The following SAMD5 variants were observed in gnomAD, a reference collection of about 807,000 sequenced individuals.
SAMD5 encodes the protein sterile alpha motif domain containing 5, also known as sterile alpha motif domain-containing protein 5.
Under a neutral mutation model 11.3 loss-of-function variants are expected in SAMD5, and 13 were observed. That is an observed-to-expected ratio of 1.15 (90% confidence interval 0.75 to 1.83). The LOEUF is 1.83. Among genes scored for constraint, SAMD5 ranks in the 40% most tolerant of loss-of-function variants. The probability of loss-of-function intolerance (pLI) is 0.00; values close to 1 mark genes in which losing one functional copy is unlikely to be tolerated. For missense variants in SAMD5, 255 were observed against 239.1 expected (o/e 1.07, Z -0.44); for synonymous variants, 129 against 111.3 (o/e 1.16, Z -1.00).
the SAMD5 span, chr6:147,953,278 A>G: frequency 6.6e-6 from 1 of 151,796 alleles, no homozygotes; most frequent in Non-Finnish European, 1.5e-5. Context: ...TTCAGCTACA[A>G]TTTCTCTCAT....
the SAMD5 span, among the ~76,000 whole-genome samples, chr6:147,916,382 G>C: frequency 6.6e-6 from 1 of 152,088 alleles, no homozygotes; most frequent in Non-Finnish European, 1.5e-5. Flanking sequence ...GTGTAAAAGT[G>C]TTCCTATTTT....
the SAMD5 span, among the ~76,000 whole-genome samples, chr6:147,795,312 G>A: frequency 3.5e-5 from 5 of 144,336 alleles, no homozygotes; most frequent in Non-Finnish European, 6.0e-5. Flanking sequence ...GAGAATATGC[G>A]GTGTTTGGTT....
the SAMD5 span, among the ~76,000 whole-genome samples, chr6:147,794,262 T>C: frequency 1.4e-4 from 21 of 152,196 alleles, no homozygotes; most frequent in Non-Finnish European, 2.8e-4. Flanking sequence ...GAGAGTTAAA[T>C]TGGTGAGCCA....
chr6:147,666,554 GGACT>G (rs1284200832), intron 1 of SAMD5, among the ~76,000 whole-genome samples: 1 of 151,974 alleles, frequency 6.6e-6, no homozygotes, highest in Non-Finnish European at 1.5e-5. Flanking sequence ...AAGCAGATGA[GGACT>G]GAAATAGTCT....
At chr6:147,544,066 T>G (rs1788648960) in intron 1 of SAMD5, among the ~76,000 whole-genome samples, 1 of 152,198 alleles carries the variant, frequency 6.6e-6, no homozygotes, top group Non-Finnish European at 1.5e-5. Context: ...CATAACATTT[T>G]TATAAGAAAA....
At chr6:147,721,014 C>A in intron 1 of SAMD5, among the ~76,000 whole-genome samples, 4 of 116,750 alleles carry the variant, frequency 3.4e-5, no homozygotes, top group South Asian at 3.4e-4. Flanking sequence ...CATGTCCCTA[C>A]AAAGGACATG....
At chr6:147,742,418 C>T (rs916830352), downstream of SAMD5, among the ~76,000 whole-genome samples, 6 of 152,072 alleles carry the variant, frequency 3.9e-5, no homozygotes, top group East Asian at 3.9e-4. Context: ...GCGTGACCTG[C>T]GTGTTTTAAG....
the SAMD5 span, among the ~76,000 whole-genome samples, chr6:147,898,854 C>G: frequency 1.3e-5 from 2 of 151,896 alleles, no homozygotes; most frequent in Non-Finnish European, 2.9e-5. Flanking sequence ...ATAATAAGAG[C>G]GTGCTGATTG....
chr6:147,900,514 G>A, the SAMD5 span, among the ~76,000 whole-genome samples: 14 of 152,338 alleles, frequency 9.2e-5, no homozygotes, highest in East Asian at 2.5e-3. Context: ...GCCCCAGCCC[G>A]TGATGCTGAT....
the SAMD5 span, among the ~76,000 whole-genome samples, chr6:147,878,586 G>GAT: frequency 7.0e-6 from 1 of 143,656 alleles, no homozygotes; most frequent in East Asian, 2.0e-4. Context: ...TCTCTATATA[G>GAT]ATATATATAC....
At chr6:147,869,679 C>T in the SAMD5 span, among the ~76,000 whole-genome samples, 2 of 152,138 alleles carry the variant, frequency 1.3e-5, no homozygotes, top group African/African-American at 2.4e-5. Context: ...ATCATCTCCA[C>T]TTGTAATCAA....
At chr6:147,888,666 T>C in the SAMD5 span, among the ~76,000 whole-genome samples, 1 of 152,094 alleles carries the variant, frequency 6.6e-6, no homozygotes, top group Admixed American at 6.6e-5. Context: ...ATGTATCACC[T>C]GAGATCAGGA....
At chr6:147,603,695 T>C (rs2128448406) in intron 1 of SAMD5, among the ~76,000 whole-genome samples, 1 of 152,196 alleles carries the variant, frequency 6.6e-6, no homozygotes, top group South Asian at 2.1e-4. Flanking sequence ...TCCTCACCAA[T>C]ACCTTTTCAC....
At chr6:147,940,035 C>T in the SAMD5 span, among the ~76,000 whole-genome samples, 2 of 151,888 alleles carry the variant, frequency 1.3e-5, no homozygotes, top group African/African-American at 4.8e-5. Context: ...GTGTCTTAGG[C>T]AAAGAGAACA....
the SAMD5 span, among the ~76,000 whole-genome samples, chr6:147,932,618 G>A: frequency 3.5e-4 from 53 of 151,014 alleles, 3 homozygotes; most frequent in South Asian, 0.011. Context: ...GTGTGTGTGT[G>A]TGTGTGTGTG....
chr6:147,593,065 T>C (rs2128447382), intron 1 of SAMD5, among the ~76,000 whole-genome samples: 1 of 152,200 alleles, frequency 6.6e-6, no homozygotes, highest in South Asian at 2.1e-4. Flanking sequence ...GGTTCATGTG[T>C]TGGGGAAATG....
intron 1 of SAMD5, among the ~76,000 whole-genome samples, chr6:147,618,901 C>A (rs1352793168): frequency 6.6e-6 from 1 of 152,254 alleles, no homozygotes; most frequent in African/African-American, 2.4e-5. Context: ...TAAGTTACTT[C>A]ATCTTTTAAA....
At chr6:147,598,305 T>C (rs372626280) in intron 1 of SAMD5, among the ~76,000 whole-genome samples, 6 of 151,900 alleles carry the variant, frequency 3.9e-5, no homozygotes, top group African/African-American at 1.5e-4. Flanking sequence ...TTGTATTTTT[T>C]GTAGAGACAG....
intron 1 of SAMD5, among the ~76,000 whole-genome samples, chr6:147,703,321 C>T (rs1791281258): frequency 6.6e-6 from 1 of 152,200 alleles, no homozygotes; most frequent in African/African-American, 2.4e-5. Flanking sequence ...ATCTGCCCAC[C>T]TCAGCATCCC....
Sources: gnomAD v4.1 joint callset for allele counts (sites outside exome capture counted in the v4.1 genomes callset) on GRCh38, gnomAD v4.1.1 for gene constraint, MANE v1.5 for transcripts, NCBI Gene and HGNC (gene_info 2026-07-23, HGNC 2026-07-21) for gene names.